Variants in IQCJ observed in about 807,000 individuals in gnomAD.
The protein encoded by IQCJ is IQ motif containing J, also known as IQ domain-containing protein J.
Under a neutral mutation model 11.0 loss-of-function variants are expected in IQCJ, and 9 were observed. The ratio of observed to expected loss-of-function variants is 0.82; its 90% confidence interval spans 0.49 to 1.43. The LOEUF is 1.43. Among genes scored for constraint, IQCJ ranks in the 40% most tolerant of loss-of-function variants. The probability of loss-of-function intolerance (pLI) is 0.00; values close to 1 mark genes in which losing one functional copy is unlikely to be tolerated. For synonymous variants in IQCJ, 55 were observed against 51.3 expected, an observed-to-expected ratio of 1.07 and a Z score of -0.31; for missense variants, 146 against 133.2, an observed-to-expected ratio of 1.10 and a Z score of -0.47.
chr3:159,204,242 C>G (rs6768725), intron 1 of IQCJ, among the ~76,000 whole-genome samples: 99,177 of 152,188 alleles, frequency 0.65, 34,304 homozygotes, highest in African/African-American at 0.9. Flanking sequence ...GGGATAGCTT[C>G]TCTCTGCTCC....
At chr3:159,189,893 CCCT>C (rs1208339720) in intron 1 of IQCJ, among the ~76,000 whole-genome samples, 2 of 152,280 alleles carry the variant, frequency 1.3e-5, no homozygotes, top group South Asian at 2.1e-4. Context: ...TCTGATCTCT[CCCT>C]CCTCAAGTCT....
intron 1 of IQCJ, among the ~76,000 whole-genome samples, chr3:159,089,229 A>G (rs1475423876): frequency 1.3e-5 from 2 of 152,024 alleles, no homozygotes; most frequent in African/African-American, 2.4e-5. Context: ...CTTTTCTTTA[A>G]GAATGTTGAA....
intron 1 of IQCJ, among the ~76,000 whole-genome samples, chr3:159,133,908 G>T (rs964462259): frequency 6.6e-6 from 1 of 151,482 alleles, no homozygotes; most frequent in Non-Finnish European, 1.5e-5. Flanking sequence ...GCTTAAATGG[G>T]TCTTCTGCTT....
At chr3:159,146,020 A>G (rs1720907779) in intron 1 of IQCJ, among the ~76,000 whole-genome samples, 2 of 152,206 alleles carry the variant, frequency 1.3e-5, no homozygotes, top group Middle Eastern at 3.2e-3. Flanking sequence ...AAGGACATAC[A>G]GGATTTTGAT....
At chr3:159,109,867 G>C (rs1485427129) in intron 1 of IQCJ, among the ~76,000 whole-genome samples, 1 of 152,204 alleles carries the variant, frequency 6.6e-6, no homozygotes, top group Non-Finnish European at 1.5e-5. Context: ...GTTCTGACAA[G>C]GGTGAAATCA....
At chr3:159,257,783 AC>A (rs1727979883) in intron 3 of IQCJ, among the ~76,000 whole-genome samples, 1 of 152,230 alleles carries the variant, frequency 6.6e-6, no homozygotes, top group Non-Finnish European at 1.5e-5. Flanking sequence ...TAGGGGTTCT[AC>A]TTCTCCACTC....
chr3:159,116,149 C>T (rs1361319233), intron 1 of IQCJ, among the ~76,000 whole-genome samples: 1 of 152,028 alleles, frequency 6.6e-6, no homozygotes, highest in Non-Finnish European at 1.5e-5. Context: ...ATTGGAGGAA[C>T]CCTTGAGCCT....
intron 1 of IQCJ, among the ~76,000 whole-genome samples, chr3:159,239,454 G>T (rs991233479): frequency 6.6e-6 from 1 of 151,732 alleles, no homozygotes; most frequent in African/African-American, 2.4e-5. Context: ...TGCCCCCTAA[G>T]TCCCCAGAGA....
intron 1 of IQCJ, among the ~76,000 whole-genome samples, chr3:159,123,314 C>T (rs1012931109): frequency 7.2e-5 from 11 of 152,118 alleles, no homozygotes; most frequent in African/African-American, 2.7e-4. Flanking sequence ...ACCTAGAAAG[C>T]CTGCTCAGAC....
chr3:159,146,520 G>A (rs529856469), intron 1 of IQCJ, among the ~76,000 whole-genome samples: 19 of 152,068 alleles, frequency 1.2e-4, no homozygotes, highest in Non-Finnish European at 2.2e-4. Flanking sequence ...GTCTTTACAC[G>A]GGATTGGTTG....
At chr3:159,195,809 CT>C (rs1426777717) in intron 1 of IQCJ, among the ~76,000 whole-genome samples, 1 of 152,180 alleles carries the variant, frequency 6.6e-6, no homozygotes, top group Non-Finnish European at 1.5e-5. Context: ...GAAAATTAGT[CT>C]ATTTTTGTTG....
intron 1 of IQCJ, among the ~76,000 whole-genome samples, chr3:159,083,303 A>G (rs1205598394): frequency 6.6e-6 from 1 of 152,172 alleles, no homozygotes; most frequent in African/African-American, 2.4e-5. Context: ...GACAAAATAC[A>G]TATACATACA....
intron 3 of IQCJ, among the ~76,000 whole-genome samples, chr3:159,253,933 A>C (rs934433169): frequency 4.6e-5 from 7 of 152,228 alleles, no homozygotes; most frequent in African/African-American, 1.7e-4. Flanking sequence ...ACCAGTAAAA[A>C]GCTTGCCTCT....
intron 1 of IQCJ, among the ~76,000 whole-genome samples, chr3:159,081,155 G>T (rs1167283283): frequency 6.6e-6 from 1 of 152,102 alleles, no homozygotes; most frequent in African/African-American, 2.4e-5. Context: ...TGTCTTGTAG[G>T]TGTCTTTTAT....
chr3:159,240,554 A>G (rs1199973216), intron 1 of IQCJ, among the ~76,000 whole-genome samples: 1 of 152,198 alleles, frequency 6.6e-6, no homozygotes, highest in Non-Finnish European at 1.5e-5. Context: ...TAAATTCTAA[A>G]TTGTATTTCT....
chr3:159,084,284 A>T (rs1037914945), intron 1 of IQCJ, among the ~76,000 whole-genome samples: 4 of 152,072 alleles, frequency 2.6e-5, no homozygotes, highest in African/African-American at 7.2e-5. Flanking sequence ...GAGTGTACTA[A>T]AAGAAGATAA....
intron 1 of IQCJ, among the ~76,000 whole-genome samples, chr3:159,209,676 A>C (rs1186111091): frequency 6.6e-6 from 1 of 152,120 alleles, no homozygotes; most frequent in Non-Finnish European, 1.5e-5. Flanking sequence ...GCCTAACAGC[A>C]CTTACCACAG....
chr3:159,156,947 C>G (rs1482563142), intron 1 of IQCJ, among the ~76,000 whole-genome samples: 1 of 152,124 alleles, frequency 6.6e-6, no homozygotes, highest in Non-Finnish European at 1.5e-5. Context: ...TTTTTAAGTC[C>G]TTATAACCTA....
At chr3:159,091,664 ACACAC>A in intron 1 of IQCJ, among the ~76,000 whole-genome samples, 1 of 49,218 alleles carries the variant, frequency 2.0e-5, no homozygotes, top group South Asian at 8.1e-4. Context: ...ACACACACAC[ACACAC>A]GCATGCACAC....
Sources: gnomAD v4.1 joint callset for allele counts (sites outside exome capture counted in the v4.1 genomes callset) on GRCh38, gnomAD v4.1.1 for gene constraint, MANE v1.5 for transcripts, NCBI Gene and HGNC (gene_info 2026-07-23, HGNC 2026-07-21) for gene names.